KIF26B: variants seen among roughly 807,000 people sequenced by gnomAD.
The protein encoded by KIF26B is kinesin family member 26B, also known as kinesin-like protein KIF26B.
In KIF26B, 63 loss-of-function variants were observed where a neutral mutation model predicts 151.2. That is an observed-to-expected ratio of 0.42 (90% CI 0.34 to 0.51). The LOEUF (loss-of-function observed/expected upper bound fraction) is 0.51, where lower values mean the gene tolerates loss of function less well. Among genes scored for constraint, KIF26B ranks in the 20% least tolerant of loss-of-function variants. The pLI, the probability that KIF26B is intolerant of heterozygous loss-of-function variation, is 0.07. For synonymous variants in KIF26B, 1,357 were observed against 1,262.1 expected, an observed-to-expected ratio of 1.08 and a Z score of -1.59; for missense variants, 2,813 against 2,913.6, an observed-to-expected ratio of 0.97 and a Z score of 0.79.
chr1:245,208,082 G>A (rs533260862), intron 2 of KIF26B, among the ~76,000 whole-genome samples: 2 of 152,200 alleles, frequency 1.3e-5, no homozygotes, highest in African/African-American at 4.8e-5. Context: ...TCTGTTAATC[G>A]AGGGCTCCTC....
chr1:245,618,957 G>C (rs191507307), intron 9 of KIF26B, among the ~76,000 whole-genome samples: 82 of 139,728 alleles, frequency 5.9e-4, no homozygotes, highest in Middle Eastern at 4.2e-3. Flanking sequence ...GAGTGCCACA[G>C]TCCTGGGGCT....
intron 5 of KIF26B, among the ~76,000 whole-genome samples, chr1:245,561,932 C>T (rs569310158): frequency 5.9e-5 from 9 of 152,178 alleles, no homozygotes; most frequent in Admixed American, 2.6e-4. Context: ...TCCCAAGGCT[C>T]TTTACAGCTT....
rs146454424 is a variant in KIF26B, at chr1:245,338,049, G to A, written c.466-28785G>A. On this transcript the variant is annotated intron_variant, in intron 2 of 14. Transcript: ENST00000407071. The stretch of plus-strand genomic sequence containing the variant: ...TCTAAGCACAGCCGTCTGGTTTGGG[G>A]CAAACAACTTTTTGCACTTTACCGT... Among the ~76,000 whole-genome samples, 240 of 152,332 alleles carry A rather than the reference G, an allele frequency of 1.6e-3. 1 individual carries two copies. Among genetic ancestry groups the A allele is most frequent in the Non-Finnish European group, 2.0e-3 (139 of 68,034 alleles).
In KIF26B at chr1:245,572,531, G is replaced by C. The variant is rs990374266; in HGVS notation, c.1351-30046G>C. Among the ~76,000 whole-genome samples, 9 of 152,056 alleles carry C rather than the reference G, an allele frequency of 5.9e-5. No individual in the cohort carries two copies. Among genetic ancestry groups the C allele is most frequent in the African/African-American group, 1.4e-4 (6 of 41,390 alleles). ...CATCACTGACCTCAGGACCCTCCCG[G>C]TGAACACTCAGTTAAAATTCCTACT... On this transcript the variant is annotated intron_variant, in intron 5 of 14. Coordinates refer to ENST00000407071, the MANE Select transcript of KIF26B (RefSeq NM_018012.4). The surrounding 1 kb of genome is among the most constrained non-coding windows in gnomAD (Gnocchi z 4.2).
Position 245,686,060 on chromosome 1 carries a change from C to G in KIF26B, c.3077C>G (p.Pro1026Arg), listed in dbSNP as rs780567755. 6.3e-7 allele frequency: 1 copy of G among 1,596,216 alleles called. No homozygotes were observed. Among genetic ancestry groups the G allele is most frequent in the East Asian group, 2.3e-5 (1 of 43,666 alleles). The change falls in exon 12 of 15, where the codon CCG (proline) becomes CGG (arginine). Residue 1026 changes from proline (P) to arginine (R), a missense_variant. Around this residue, in one of 3 missense-constraint regions of KIF26B, gnomAD observed 2,060 missense variants for 2,088.6 expected, o/e 0.99. Transcript: ENST00000407071. The surrounding 1 kb of genome is among the most constrained non-coding windows in gnomAD (Gnocchi z 5.6). Reference protein sequence around the residue: ...SPSPASPRSVPGSSSQHSASP... With the variant: ...SPSPASPRSVRGSSSQHSASP... ...AGCCCGGCCTCACCCAGGAGCGTCC[C>G]GGGCAGCAGTAGCCAGCACAGCGCC...
At chr1:245,551,830 G>A (rs1283727171) in intron 5 of KIF26B, among the ~76,000 whole-genome samples, 1 of 152,062 alleles carries the variant, frequency 6.6e-6, no homozygotes, top group Non-Finnish European at 1.5e-5. Flanking sequence ...GGCTTTCCCT[G>A]CCAACCTCCC....
intron 2 of KIF26B, among the ~76,000 whole-genome samples, chr1:245,259,398 C>T (rs190941605): frequency 5.4e-4 from 82 of 152,226 alleles, no homozygotes; most frequent in Non-Finnish European, 9.1e-4. Context: ...GAAATGCACA[C>T]GTGTTACCAG....
chr1:245,364,422 CTTTTTT>C (rs763619030), intron 2 of KIF26B, among the ~76,000 whole-genome samples: 25 of 98,910 alleles, frequency 2.5e-4, no homozygotes, highest in Admixed American at 6.4e-4. Context: ...CTCTCTCTCT[CTTTTTT>C]TTTTTTTTTT....
chr1:245,156,386 T>C lies in KIF26B; in HGVS notation c.168T>C (p.Pro56=). 1 of 1,542,006 alleles carries C rather than the reference T, an allele frequency of 6.5e-7. No homozygotes were observed. The highest frequency in any genetic ancestry group is 1.2e-5 in the South Asian group (1 of 83,856). The change falls in exon 2 of 15, where the codon CCT becomes CCC. Residue 56 remains proline, a synonymous_variant. Transcript: ENST00000407071. ...CGCGCGCCGGCAGCCGGCCCACTCC[T>C]GAGGGCGCGGGCTCAGCGCTCGGCT... ...EESRAGSRPT[P]EGAGSALGSS...
At chr1:245,430,582 G>T (rs182304528) in intron 4 of KIF26B, among the ~76,000 whole-genome samples, 2 of 152,184 alleles carry the variant, frequency 1.3e-5, no homozygotes, top group African/African-American at 2.4e-5. Flanking sequence ...CAGGAGGATC[G>T]CTTGAGCCCG....
At position 245,550,556 on chromosome 1, in the gene KIF26B, C is replaced by T. The variant is rs557491038; in HGVS notation, c.1350+9606C>T. Among the ~76,000 whole-genome samples the T allele has an allele frequency of 3.9e-4, 60 of 152,326 alleles. 1 individual carries two copies. The highest frequency in any genetic ancestry group is 1.3e-3 in the Admixed American group (20 of 15,304). On this transcript the variant is annotated intron_variant, in intron 5 of 14. Coordinates refer to ENST00000407071, the MANE Select transcript of KIF26B (RefSeq NM_018012.4). ...TTCTGTATGTACCCTGAAAACCCAC[C>T]GGCGCAGTGGTTAGGCTGGAGCAGC...
chr1:245,221,662 C>T (rs1288814086), intron 2 of KIF26B, among the ~76,000 whole-genome samples: 2 of 152,178 alleles, frequency 1.3e-5, no homozygotes, highest in Non-Finnish European at 2.9e-5. Context: ...TTGCCTCGGC[C>T]TCCCAAAGTG....
At chr1:245,179,748 G>A (rs1668871771) in intron 2 of KIF26B, among the ~76,000 whole-genome samples, 1 of 152,198 alleles carries the variant, frequency 6.6e-6, no homozygotes, top group Admixed American at 6.5e-5. Context: ...AGAGTGGGTG[G>A]GTAGAATTCG....
At chr1:245,188,591 C>T (rs1558338711) in intron 2 of KIF26B, among the ~76,000 whole-genome samples, 1 of 152,180 alleles carries the variant, frequency 6.6e-6, no homozygotes, top group African/African-American at 2.4e-5. Context: ...GATTTTAAAA[C>T]TGAACATGTG....
chr1:245,663,005 A>G (rs1241107275), intron 10 of KIF26B, among the ~76,000 whole-genome samples: 3 of 140,748 alleles, frequency 2.1e-5, no homozygotes, highest in African/African-American at 8.0e-5. Context: ...CCCCTCTTCT[A>G]TCTCTCCAAT....
At chr1:245,456,767 C>A (rs1411583439) in intron 4 of KIF26B, among the ~76,000 whole-genome samples, 1 of 152,238 alleles carries the variant, frequency 6.6e-6, no homozygotes, top group Non-Finnish European at 1.5e-5. Flanking sequence ...TATAAGGTAA[C>A]CTTGTTATTG....
At chr1:245,683,833 T>C (rs2044470753) in intron 10 of KIF26B, among the ~76,000 whole-genome samples, 1 of 152,190 alleles carries the variant, frequency 6.6e-6, no homozygotes. Context: ...AGATTGTCTG[T>C]GTGTGGAAAC....
chr1:245,481,017 T>A (rs1328942009), intron 4 of KIF26B, among the ~76,000 whole-genome samples: 1 of 151,772 alleles, frequency 6.6e-6, no homozygotes, highest in Non-Finnish European at 1.5e-5. Flanking sequence ...ATATTTAAGA[T>A]TTGGCAACAA....
chr1:245,309,446 C>T (rs1043924846), intron 2 of KIF26B, among the ~76,000 whole-genome samples: 15 of 151,936 alleles, frequency 9.9e-5, no homozygotes, highest in African/African-American at 3.6e-4. Context: ...CCAGCTGAAA[C>T]ATCAGTTCTT....
Sources: allele counts gnomAD v4.1 joint callset (sites outside exome capture counted in the v4.1 genomes callset), GRCh38; gene constraint gnomAD v4.1.1; regional missense constraint gnomAD v4.1.1; non-coding constraint Gnocchi (gnomAD v3.1); transcripts MANE v1.5; gene names NCBI Gene and HGNC (gene_info 2026-07-23, HGNC 2026-07-21).